The following SLC31A1 variants were observed in gnomAD, a reference collection of about 807,000 sequenced individuals.
The protein encoded by SLC31A1 is high affinity copper uptake protein 1.
A neutral mutation model predicts 17.2 loss-of-function variants in SLC31A1; 5 were observed. The observed-to-expected ratio is 0.29, with a 90% CI of 0.15 to 0.61. SLC31A1 has a LOEUF of 0.61. Among genes scored for constraint, SLC31A1 ranks in the 20% least tolerant of loss-of-function variants. The probability of loss-of-function intolerance (pLI) is 0.86; values close to 1 mark genes in which losing one functional copy is unlikely to be tolerated. For missense variants in SLC31A1, 161 were observed against 241.4 expected, an observed-to-expected ratio of 0.67 and a Z score of 2.21; for synonymous variants, 76 against 78.8, an observed-to-expected ratio of 0.96 and a Z score of 0.19.
At chr9:113,232,668 C>A (rs1182798351) in intron 1 of SLC31A1, among the ~76,000 whole-genome samples, 14 of 131,358 alleles carry the variant, frequency 1.1e-4, no homozygotes, top group South Asian at 2.5e-4. Flanking sequence ...CCCATCTCTA[C>A]TAAAAATTAA....
intron 1 of SLC31A1, among the ~76,000 whole-genome samples, chr9:113,228,004 G>A (rs1831360656): frequency 6.6e-6 from 1 of 152,300 alleles, no homozygotes; most frequent in South Asian, 2.1e-4. Context: ...CATATTTACT[G>A]TACCTTAAAA....
In SLC31A1 at chr9:113,262,203, T is replaced by C. The variant is rs1052251404; in HGVS notation, c.*1730T>C. Reference sequence around the variant, plus strand: ...CAGGTTTTCCTCAGGCTCCAACAACTGTGCTTATACCAAGCAGATCCTCAT... The same window carrying C: ...CAGGTTTTCCTCAGGCTCCAACAACCGTGCTTATACCAAGCAGATCCTCAT... On this transcript the variant is annotated 3_prime_UTR_variant, in exon 5 of 5. Coordinates refer to ENST00000374212, the MANE Select transcript of SLC31A1 (RefSeq NM_001859.4). The C allele has an allele frequency of 9.8e-5, 15 of 152,786 alleles. No individual in the cohort carries two copies. The highest frequency in any genetic ancestry group is 8.5e-4 in the Admixed American group (13 of 15,298). The allele number at this position is 152,786 out of a possible 1,614,324, so 9.5% of individuals were successfully genotyped here.
At chr9:113,242,965 T>C (rs901306791) in intron 1 of SLC31A1, among the ~76,000 whole-genome samples, 8 of 152,190 alleles carry the variant, frequency 5.3e-5, no homozygotes, top group African/African-American at 1.9e-4. Context: ...CAAAAGTATA[T>C]GAAGGTAAAT....
chr9:113,247,898 A>C (rs1449529954), intron 1 of SLC31A1, among the ~76,000 whole-genome samples: 5 of 152,232 alleles, frequency 3.3e-5, no homozygotes, highest in Non-Finnish European at 1.5e-5. Context: ...GAAACTGAAT[A>C]GTTTAAAGCC....
chr9:113,260,579 G>GAACACACA lies in SLC31A1; in HGVS notation c.*106_*107insAACACACA. On this transcript the variant is annotated 3_prime_UTR_variant, in exon 5 of 5. Coordinates refer to ENST00000374212, the MANE Select transcript of SLC31A1 (RefSeq NM_001859.4). ...TCCCTTCTTGCTCCTCTTTGTGCACGTACACACACACACACACACACACAC... is the reference window on the plus strand; with the variant it reads ...TCCCTTCTTGCTCCTCTTTGTGCACGAACACACATACACACACACACACACACACACAC... 1.7e-6 allele frequency: 1 copy of GAACACACA among 590,132 alleles called. No homozygotes were observed. The allele number at this position is 590,132 out of a possible 1,614,324, so 36.6% of individuals were successfully genotyped here. A position where few individuals can be genotyped will look rare whatever the true frequency, so the allele number is the denominator to read the frequency against.
At chr9:113,256,387 T>G in intron 2 of SLC31A1, 110 bp downstream of exon 2, 1 of 1,276,032 alleles carries the variant, frequency 7.8e-7, no homozygotes, top group South Asian at 1.4e-5. Flanking sequence ...AGTTTACCAG[T>G]GAGGATAACT....
intron 1 of SLC31A1, among the ~76,000 whole-genome samples, chr9:113,229,386 A>G (rs771897974): frequency 6.6e-6 from 1 of 152,152 alleles, no homozygotes; most frequent in Non-Finnish European, 1.5e-5. Flanking sequence ...TTCCTTTTTA[A>G]GTTTTTTACA....
chr9:113,253,998 A>C (rs541620648), intron 1 of SLC31A1, among the ~76,000 whole-genome samples: 129 of 125,042 alleles, frequency 1.0e-3, no homozygotes, highest in Non-Finnish European at 1.6e-3. Context: ...CCTGTCACCT[A>C]GGCTGGAGTG....
intron 1 of SLC31A1, among the ~76,000 whole-genome samples, chr9:113,248,101 C>T (rs1355415835): frequency 6.6e-6 from 1 of 152,084 alleles, no homozygotes; most frequent in African/African-American, 2.4e-5. Context: ...GGCAGATCAC[C>T]TGAGGTCAGG....
At chr9:113,230,715 A>G (rs563048452) in intron 1 of SLC31A1, among the ~76,000 whole-genome samples, 49 of 152,278 alleles carry the variant, frequency 3.2e-4, no homozygotes, top group Non-Finnish European at 5.4e-4. Flanking sequence ...GAACATTCAG[A>G]ATTCTCTCTT....
In SLC31A1 at chr9:113,221,688, C is replaced by G; in HGVS notation, c.-36+10C>G. On this transcript the variant is annotated intron_variant, in intron 1 of 4. Transcript: ENST00000374212. ...GACTTGACCTGGAAAGGTAAGGCTT[C>G]TCTCGGCCCCTCTTTCGCACCCCTG... 1 of 287,970 alleles carries G rather than the reference C, an allele frequency of 3.5e-6. No individual in the cohort carries two copies. Among genetic ancestry groups the G allele is most frequent in the Non-Finnish European group, 6.9e-6 (1 of 145,218 alleles). 17.8% of individuals were successfully genotyped at this position (287,970 alleles called of 1,614,324 possible). A position where few individuals can be genotyped will look rare whatever the true frequency, so the allele number is the denominator to read the frequency against.
In SLC31A1 at chr9:113,221,584, G is replaced by C. The variant is rs1485180716; in HGVS notation, c.-130G>C. The C allele has an allele frequency of 1.6e-5, 7 of 428,730 alleles. No homozygotes were observed. The highest frequency in any genetic ancestry group is 8.2e-5 in the South Asian group (4 of 48,494). 26.6% of individuals were successfully genotyped at this position (428,730 alleles called of 1,614,324 possible). A position where few individuals can be genotyped will look rare whatever the true frequency, so the allele number is the denominator to read the frequency against. Reference sequence around the variant, plus strand: ...GTGGCGGTGGTGGACACGTCGAGCCGGGTAGAAGTGGAGGGGCCGTTCGAA... The same window carrying C: ...GTGGCGGTGGTGGACACGTCGAGCCCGGTAGAAGTGGAGGGGCCGTTCGAA... On this transcript the variant is annotated 5_prime_UTR_variant, in exon 1 of 5. Coordinates refer to ENST00000374212, the MANE Select transcript of SLC31A1 (RefSeq NM_001859.4).
At chr9:113,229,644 T>C (rs1230360408) in intron 1 of SLC31A1, among the ~76,000 whole-genome samples, 1 of 152,244 alleles carries the variant, frequency 6.6e-6, no homozygotes, top group East Asian at 1.9e-4. Context: ...TGTGCCAGTT[T>C]ATCTGTAGAA....
chr9:113,254,583 A>T (rs1831698261), intron 1 of SLC31A1, among the ~76,000 whole-genome samples: 1 of 151,650 alleles, frequency 6.6e-6, no homozygotes, highest in Non-Finnish European at 1.5e-5. Flanking sequence ...CCATTCTCCC[A>T]CTCCAACTCT....
chr9:113,221,864 C>T (rs1045165119), intron 1 of SLC31A1, among the ~76,000 whole-genome samples, 186 bp downstream of exon 1: 1 of 152,222 alleles, frequency 6.6e-6, no homozygotes, highest in Non-Finnish European at 1.5e-5. Flanking sequence ...TGACCTTGGG[C>T]CGGGGTGCTC....
At chr9:113,221,717 A>C (rs1435713082) in intron 1 of SLC31A1, 39 bp downstream of exon 1, 1 of 271,422 alleles carries the variant, frequency 3.7e-6, no homozygotes, top group Admixed American at 5.0e-5. Flanking sequence ...ACCCCTGTGC[A>C]TGGGTACCGT....
chr9:113,244,155 CAAAAAAAAAA>C (rs1200835310), intron 1 of SLC31A1, among the ~76,000 whole-genome samples: 80 of 41,320 alleles, frequency 1.9e-3, no homozygotes, highest in African/African-American at 7.1e-3. Flanking sequence ...AACTCCATCT[CAAAAAAAAAA>C]AAAAAAAAAA....
intron 1 of SLC31A1, among the ~76,000 whole-genome samples, chr9:113,237,693 A>G (rs1345763223): frequency 6.6e-6 from 1 of 152,206 alleles, no homozygotes; most frequent in East Asian, 1.9e-4. Flanking sequence ...TTTCCATCTG[A>G]AAAATGAATA....
At chr9:113,229,658 ATATT>A (rs1831381519) in intron 1 of SLC31A1, among the ~76,000 whole-genome samples, 4 of 152,352 alleles carry the variant, frequency 2.6e-5, no homozygotes, top group South Asian at 4.1e-4. Flanking sequence ...TGTAGAATGA[ATATT>A]TAGAAGTGGG....
Sources: allele counts gnomAD v4.1 joint callset (sites outside exome capture counted in the v4.1 genomes callset), GRCh38; gene constraint gnomAD v4.1.1; transcripts MANE v1.5; gene names NCBI Gene and HGNC (gene_info 2026-07-23, HGNC 2026-07-21).